The following NEDD4L variants were observed in gnomAD, a reference collection of about 807,000 sequenced individuals.
NEDD4L encodes E3 ubiquitin-protein ligase NEDD4-like.
Under a neutral mutation model 148.9 loss-of-function variants are expected in NEDD4L, and 54 were observed. That is an observed-to-expected ratio of 0.36 (90% CI 0.29 to 0.45). The LOEUF (loss-of-function observed/expected upper bound fraction) is 0.45. Ranked by LOEUF, NEDD4L falls within the 20% of genes least tolerant of loss-of-function variation. NEDD4L has a pLI of 1.00. For missense variants in NEDD4L, 856 were observed against 1,233.8 expected, an observed-to-expected ratio of 0.69 and a Z score of 4.59; for synonymous variants, 433 against 440.7, an observed-to-expected ratio of 0.98 and a Z score of 0.22.
intron 2 of NEDD4L, among the ~76,000 whole-genome samples, chr18:58,181,015 T>C (rs1482000816): frequency 2.0e-5 from 3 of 152,226 alleles, no homozygotes; most frequent in Non-Finnish European, 4.4e-5. Context: ...TCGATTGGAG[T>C]TCTTTTTCAG....
chr18:58,340,574 C>T (rs2042293394), intron 13 of NEDD4L, among the ~76,000 whole-genome samples: 2 of 152,170 alleles, frequency 1.3e-5, no homozygotes, highest in African/African-American at 4.8e-5. Context: ...GGGTCCTAAG[C>T]TGATGGAGGA....
At chr18:58,129,664 G>A (rs2031729248) in intron 1 of NEDD4L, among the ~76,000 whole-genome samples, 1 of 152,232 alleles carries the variant, frequency 6.6e-6, no homozygotes, top group African/African-American at 2.4e-5. Context: ...GGGACCTTGT[G>A]ATCTCAGCAG....
At chr18:58,151,625 ATGTGTGTG>A (rs113714456) in intron 1 of NEDD4L, among the ~76,000 whole-genome samples, 7 of 140,980 alleles carry the variant, frequency 5.0e-5, no homozygotes, top group Non-Finnish European at 7.7e-5. Context: ...GTGCCTGGAT[ATGTGTGTG>A]TGTGTGTGTG....
rs1479893525 is a variant in NEDD4L, at chr18:58,256,233, G to A, written c.297+4179G>A. 40 of 1,227,782 alleles carry A rather than the reference G, an allele frequency of 3.3e-5. No individual in the cohort carries two copies. The highest frequency in any genetic ancestry group is 3.7e-5 in the Non-Finnish European group (36 of 985,508). 76.1% of individuals were successfully genotyped at this position (1,227,782 alleles called of 1,614,324 possible). Reference sequence around the variant, plus strand: ...CTGCGCATCCAGCACCGCGCCTCCAGCGCCGACGTGCGCCAGGTGAGGCTG... The same window carrying A: ...CTGCGCATCCAGCACCGCGCCTCCAACGCCGACGTGCGCCAGGTGAGGCTG... On this transcript the variant is annotated intron_variant, in intron 5 of 30. Transcript: ENST00000400345. This position sits in a 1 kb window ranked among gnomAD's most constrained non-coding sequence, Gnocchi z 5.2.
At chr18:58,116,161 G>A (rs1382699518) in intron 1 of NEDD4L, among the ~76,000 whole-genome samples, 1 of 152,128 alleles carries the variant, frequency 6.6e-6, no homozygotes, top group African/African-American at 2.4e-5. Flanking sequence ...GTGACCACCT[G>A]GTCATTTGAT....
At chr18:58,096,899 A>T (rs994463203) in intron 1 of NEDD4L, among the ~76,000 whole-genome samples, 4 of 152,148 alleles carry the variant, frequency 2.6e-5, no homozygotes, top group African/African-American at 9.7e-5. Flanking sequence ...CAGAATCTTT[A>T]TCATTGTGCT....
intron 1 of NEDD4L, among the ~76,000 whole-genome samples, chr18:58,151,093 GA>G (rs2034671216): frequency 6.6e-6 from 1 of 152,204 alleles, no homozygotes. Flanking sequence ...TAACAGCCTT[GA>G]CTTTTTGGAG....
intron 2 of NEDD4L, chr18:58,195,662 A>G: frequency 7.4e-7 from 1 of 1,351,896 alleles, no homozygotes; most frequent in South Asian, 1.1e-5. Flanking sequence ...TAGGGGAAAC[A>G]GACCATCTGC....
intron 24 of NEDD4L, among the ~76,000 whole-genome samples, chr18:58,373,711 A>G (rs1357522407): frequency 6.6e-6 from 1 of 152,206 alleles, no homozygotes; most frequent in East Asian, 1.9e-4. Context: ...GAGGCTCAGC[A>G]TGGCAGGCTC....
intron 2 of NEDD4L, among the ~76,000 whole-genome samples, chr18:58,188,263 T>C (rs2039695589): frequency 6.6e-6 from 1 of 152,144 alleles, no homozygotes; most frequent in Non-Finnish European, 1.5e-5. Context: ...TGAGTGAAAA[T>C]GTGCATACAG....
intron 1 of NEDD4L, among the ~76,000 whole-genome samples, chr18:58,122,130 C>T (rs1455369856): frequency 6.6e-6 from 1 of 152,206 alleles, no homozygotes; most frequent in Non-Finnish European, 1.5e-5. Context: ...AGCCCTAGGG[C>T]TGGGGTGGAA....
chr18:58,251,566 TACACAC>T (rs759906237), intron 4 of NEDD4L, among the ~76,000 whole-genome samples: 4 of 150,528 alleles, frequency 2.7e-5, no homozygotes, highest in Non-Finnish European at 5.9e-5. Flanking sequence ...TGTCTCTCTC[TACACAC>T]ACACACACAC....
chr18:58,347,843 G>T (rs1323022882), intron 16 of NEDD4L, among the ~76,000 whole-genome samples: 1 of 152,132 alleles, frequency 6.6e-6, no homozygotes, highest in Non-Finnish European at 1.5e-5. Flanking sequence ...GTTGACTTGG[G>T]AAGCAGAAAA....
chr18:58,158,249 T>C (rs2035755988), intron 1 of NEDD4L, among the ~76,000 whole-genome samples: 1 of 152,244 alleles, frequency 6.6e-6, no homozygotes, highest in East Asian at 1.9e-4. Context: ...AACAGCTGGC[T>C]TTCCCCAGAG....
intron 19 of NEDD4L, 55 bp downstream of exon 19, chr18:58,357,307 G>T (rs762667612): frequency 7.1e-7 from 1 of 1,402,434 alleles, no homozygotes; most frequent in Non-Finnish European, 1.0e-6. Context: ...ACGTGTTTAC[G>T]TGTTTCTTGT....
intron 1 of NEDD4L, among the ~76,000 whole-genome samples, chr18:58,141,650 T>A (rs2033520246): frequency 6.6e-6 from 1 of 152,238 alleles, no homozygotes; most frequent in Non-Finnish European, 1.5e-5. Context: ...TTTTTCCCTC[T>A]AGTGTCATGA....
intron 1 of NEDD4L, among the ~76,000 whole-genome samples, chr18:58,111,217 G>T (rs1195391436): frequency 2.0e-5 from 3 of 152,108 alleles, no homozygotes; most frequent in Non-Finnish European, 4.4e-5. Context: ...ACAAGCTCAT[G>T]CCACTACACC....
chr18:58,250,239 T>C (rs979982060), intron 4 of NEDD4L, among the ~76,000 whole-genome samples: 2 of 145,208 alleles, frequency 1.4e-5, no homozygotes, highest in African/African-American at 5.4e-5. Context: ...AACCTCTGCC[T>C]CCCAGGTTCA....
chr18:58,075,640 T>C (rs1681592547), intron 1 of NEDD4L, among the ~76,000 whole-genome samples: 1 of 152,140 alleles, frequency 6.6e-6, no homozygotes, highest in African/African-American at 2.4e-5. Flanking sequence ...GAGTATTTTT[T>C]TCAGGCTGGG....
Sources: allele counts gnomAD v4.1 joint callset (sites outside exome capture counted in the v4.1 genomes callset), GRCh38; gene constraint gnomAD v4.1.1; non-coding constraint Gnocchi (gnomAD v3.1); transcripts MANE v1.5; gene names NCBI Gene and HGNC (gene_info 2026-07-23, HGNC 2026-07-21).